NMBR: variants seen among roughly 807,000 people sequenced by gnomAD.
NMBR encodes neuromedin-B receptor.
A neutral mutation model predicts 20.5 loss-of-function variants in NMBR; 16 were observed. That is an observed-to-expected ratio of 0.78 (90% CI 0.53 to 1.19). The LOEUF is 1.19. Among genes scored for constraint, NMBR ranks in the 50% most tolerant of loss-of-function variants. The pLI is 0.00. For missense variants in NMBR, 582 were observed against 499.1 expected, an observed-to-expected ratio of 1.17 and a Z score of -1.58; for synonymous variants, 212 against 196.6, an observed-to-expected ratio of 1.08 and a Z score of -0.65.
intron 1 of NMBR, among the ~76,000 whole-genome samples, chr6:142,110,956 C>T (rs1274996628): frequency 6.6e-6 from 1 of 152,080 alleles, no homozygotes; most frequent in Non-Finnish European, 1.5e-5. Flanking sequence ...ATAAGACATA[C>T]TGGCTGCGTG....
intron 2 of NMBR, among the ~76,000 whole-genome samples, chr6:142,079,374 T>A (rs1260225521): frequency 2.0e-5 from 3 of 152,120 alleles, no homozygotes; most frequent in Non-Finnish European, 4.4e-5. Context: ...CCACTACTTA[T>A]TAGCACAGAA....
intron 1 of NMBR, among the ~76,000 whole-genome samples, chr6:142,144,884 C>T (rs1303768248): frequency 1.3e-5 from 2 of 151,628 alleles, no homozygotes; most frequent in African/African-American, 2.4e-5. Context: ...AATAATTAGC[C>T]ATAGTGTTAT....
At chr6:142,134,281 A>G (rs1235416625) in intron 1 of NMBR, among the ~76,000 whole-genome samples, 4 of 152,220 alleles carry the variant, frequency 2.6e-5, no homozygotes, top group Non-Finnish European at 5.9e-5. Context: ...GATATAGACT[A>G]GCTGTCTAAT....
chr6:142,078,544 A>G lies in NMBR; in HGVS notation c.771+11T>C, dbSNP rs374386626. 3.4e-5 allele frequency: 52 copies of G among 1,513,648 alleles called. No homozygotes were observed. The highest frequency in any genetic ancestry group is 4.5e-5 in the Non-Finnish European group (50 of 1,108,514). The allele number at this position is 1,513,648 out of a possible 1,614,324, so 93.8% of individuals were successfully genotyped here. On this transcript the variant is annotated intron_variant, in intron 3 of 3. Transcript: ENST00000258042. ...GACCACACACCACCAACCCACGCCT[A>G]CTAAGCTTACCTGTTTTTTGGTATG...
intron 1 of NMBR, among the ~76,000 whole-genome samples, chr6:142,123,164 A>C (rs2114599609): frequency 6.6e-6 from 1 of 152,086 alleles, no homozygotes; most frequent in South Asian, 2.1e-4. Context: ...TTTCAAAAGA[A>C]GTTGATTCCA....
chr6:142,086,587 G>A (rs1365452503), intron 2 of NMBR, among the ~76,000 whole-genome samples: 1 of 152,052 alleles, frequency 6.6e-6, no homozygotes, highest in Admixed American at 6.6e-5. Flanking sequence ...GTAGACAAGG[G>A]TAGCCTACGG....
intron 1 of NMBR, chr6:142,133,264 T>C: frequency 1.7e-6 from 1 of 572,450 alleles, no homozygotes; most frequent in Non-Finnish European, 3.2e-6. Flanking sequence ...CTGAATTGCA[T>C]AAGTCTTGGT....
chr6:142,119,564 A>G (rs540727748), intron 1 of NMBR, among the ~76,000 whole-genome samples: 13 of 152,056 alleles, frequency 8.5e-5, no homozygotes, highest in Non-Finnish European at 1.9e-4. Context: ...AACAACACAG[A>G]AACAGCAACA....
At chr6:142,092,070 A>G (rs1777335493) in intron 1 of NMBR, among the ~76,000 whole-genome samples, 1 of 152,200 alleles carries the variant, frequency 6.6e-6, no homozygotes, top group Admixed American at 6.5e-5. Flanking sequence ...AAAGGCAAGT[A>G]TACTCGCTAT....
chr6:142,085,240 C>A (rs1400876192), intron 2 of NMBR, among the ~76,000 whole-genome samples: 2 of 152,084 alleles, frequency 1.3e-5, no homozygotes, highest in Non-Finnish European at 2.9e-5. Context: ...ATCACAGACA[C>A]CAGCTAGGAG....
At position 142,074,900 on chromosome 6, in the gene NMBR, A is replaced by G. The variant is rs901689003; in HGVS notation, c.*748T>C. Among the ~76,000 whole-genome samples the G allele has an allele frequency of 6.6e-6, 1 of 151,852 alleles. No homozygotes were observed. The highest frequency in any genetic ancestry group is 1.5e-5 in the Non-Finnish European group (1 of 67,964). ...TCATAATATAAATTATATTCATATC[A>G]TATCTATTTTATAATTCATAATATT... On this transcript the variant is annotated 3_prime_UTR_variant, in exon 4 of 4. Coordinates refer to ENST00000258042, the MANE Select transcript of NMBR (RefSeq NM_002511.4).
chr6:142,135,499 T>C (rs894033883), intron 1 of NMBR, among the ~76,000 whole-genome samples: 1 of 152,054 alleles, frequency 6.6e-6, no homozygotes, highest in South Asian at 2.1e-4. Flanking sequence ...TTTTCTTTTA[T>C]TTATTATTAT....
chr6:142,090,273 T>C (rs1777299493), intron 1 of NMBR, among the ~76,000 whole-genome samples: 1 of 152,098 alleles, frequency 6.6e-6, no homozygotes, highest in South Asian at 2.1e-4. Flanking sequence ...AATTGAATAA[T>C]AACAATGTAA....
chr6:142,093,403 T>C (rs1312061256), intron 1 of NMBR, among the ~76,000 whole-genome samples: 3 of 148,876 alleles, frequency 2.0e-5, no homozygotes, highest in African/African-American at 4.9e-5. Flanking sequence ...ACATGCAGTG[T>C]TTGGTTTTTT....
intron 1 of NMBR, among the ~76,000 whole-genome samples, chr6:142,105,602 C>T (rs982649759): frequency 3.9e-5 from 6 of 152,140 alleles, no homozygotes; most frequent in Non-Finnish European, 8.8e-5. Context: ...TAAACATGCA[C>T]ACATTTTTAT....
intron 1 of NMBR, among the ~76,000 whole-genome samples, chr6:142,143,615 T>C (rs910722737): frequency 1.3e-5 from 2 of 152,226 alleles, no homozygotes; most frequent in African/African-American, 4.8e-5. Flanking sequence ...CGAGTAAGGC[T>C]TGGCAGTCTT....
Position 142,088,729 on chromosome 6 carries a change from T to A in NMBR, c.-71A>T. On this transcript the variant is annotated 5_prime_UTR_variant, in exon 2 of 4. Transcript: ENST00000258042. The stretch of plus-strand genomic sequence containing the variant: ...TGCCCTGAGGACTGAACGCCCACGA[T>A]TTAGGTTTAATCGATGTCCCTCCCT... The A allele has an allele frequency of 7.2e-7, 1 of 1,393,630 alleles. No homozygotes were observed. Among genetic ancestry groups the A allele is most frequent in the East Asian group, 2.4e-5 (1 of 42,378 alleles). The allele number at this position is 1,393,630 out of a possible 1,614,324, so 86.3% of individuals were successfully genotyped here.
At chr6:142,139,030 C>T (rs563312213) in intron 1 of NMBR, among the ~76,000 whole-genome samples, 4 of 152,110 alleles carry the variant, frequency 2.6e-5, no homozygotes, top group Admixed American at 6.5e-5. Context: ...GAAATACTAT[C>T]CTTTCACTAG....
intron 1 of NMBR, among the ~76,000 whole-genome samples, chr6:142,110,979 C>G (rs1777752954): frequency 6.6e-6 from 1 of 152,116 alleles, no homozygotes; most frequent in African/African-American, 2.4e-5. Flanking sequence ...GTGGCTCACA[C>G]CTGTAATGCC....
Sources: allele counts gnomAD v4.1 joint callset (sites outside exome capture counted in the v4.1 genomes callset), GRCh38; gene constraint gnomAD v4.1.1; transcripts MANE v1.5; gene names NCBI Gene and HGNC (gene_info 2026-07-23, HGNC 2026-07-21).